DPYD: variants seen among roughly 807,000 people sequenced by gnomAD.
DPYD encodes the protein dihydropyrimidine dehydrogenase, also known as dihydropyrimidine dehydrogenase [NADP(+)].
A neutral mutation model predicts 116.2 loss-of-function variants in DPYD; 109 were observed. The ratio of observed to expected loss-of-function variants is 0.94; its 90% CI spans 0.80 to 1.10. The LOEUF (loss-of-function observed/expected upper bound fraction) is 1.10, where lower values mean the gene tolerates loss of function less well. DPYD is among the 50% of genes least tolerant of loss of function. DPYD has a pLI of 0.00. For missense variants in DPYD, 1,302 were observed against 1,254.5 expected (o/e 1.04, Z -0.57); for synonymous variants, 440 against 432.0 (o/e 1.02, Z -0.23).
chr1:97,898,402 A>G (rs1451354801), intron 1 of DPYD, among the ~76,000 whole-genome samples: 1 of 151,798 alleles, frequency 6.6e-6, no homozygotes, highest in Non-Finnish European at 1.5e-5. Context: ...GAAGGATTCC[A>G]CCAGGCTTTG....
At chr1:97,656,401 C>G (rs1557864543) in intron 8 of DPYD, among the ~76,000 whole-genome samples, 1 of 152,078 alleles carries the variant, frequency 6.6e-6, no homozygotes, top group Admixed American at 6.6e-5. Flanking sequence ...TTTTAATACA[C>G]TCTTCATAAA....
chr1:97,879,490 T>G (rs1672081204), intron 2 of DPYD, among the ~76,000 whole-genome samples: 1 of 151,882 alleles, frequency 6.6e-6, no homozygotes, highest in Non-Finnish European at 1.5e-5. Context: ...TTAGGATAGT[T>G]CAACATTTTC....
At chr1:97,732,473 CAAAAA>C (rs751262032) in intron 4 of DPYD, among the ~76,000 whole-genome samples, 1 of 55,150 alleles carries the variant, frequency 1.8e-5, no homozygotes. Flanking sequence ...GACTCCATCT[CAAAAA>C]AAAAAAAAAA....
intron 1 of DPYD, chr1:97,883,738 T>G (rs1672342507): frequency 2.8e-6 from 1 of 359,672 alleles, no homozygotes; most frequent in African/African-American, 2.2e-5. Context: ...TGAGCCACCA[T>G]GTCTGGTAGC....
chr1:97,188,268 T>G (rs1658133343), intron 20 of DPYD, among the ~76,000 whole-genome samples: 1 of 152,184 alleles, frequency 6.6e-6, no homozygotes, highest in Non-Finnish European at 1.5e-5. Flanking sequence ...ATCACCAATA[T>G]GTATTTCATC....
At chr1:97,155,013 A>G (rs1655335004) in intron 20 of DPYD, among the ~76,000 whole-genome samples, 1 of 152,204 alleles carries the variant, frequency 6.6e-6, no homozygotes, top group South Asian at 2.1e-4. Context: ...GTCATTGCAA[A>G]AATGAAGCAA....
At chr1:97,383,024 A>C (rs1159479101) in intron 14 of DPYD, among the ~76,000 whole-genome samples, 1 of 152,148 alleles carries the variant, frequency 6.6e-6, no homozygotes, top group Non-Finnish European at 1.5e-5. Context: ...GAAATCCCAT[A>C]ATGGAGACTG....
At chr1:97,245,301 C>CA (rs1485693161) in intron 18 of DPYD, among the ~76,000 whole-genome samples, 1 of 152,084 alleles carries the variant, frequency 6.6e-6, no homozygotes, top group Non-Finnish European at 1.5e-5. Context: ...CCATAAAATT[C>CA]ACTGCCGGGT....
intron 16 of DPYD, among the ~76,000 whole-genome samples, chr1:97,368,658 C>T (rs1671163891): frequency 6.6e-6 from 1 of 152,006 alleles, no homozygotes; most frequent in African/African-American, 2.4e-5. Context: ...AGAAGGCAGC[C>T]CAAAGACAAC....
intron 16 of DPYD, among the ~76,000 whole-genome samples, chr1:97,368,925 G>C (rs1396074352): frequency 6.6e-6 from 1 of 152,146 alleles, no homozygotes; most frequent in African/African-American, 2.4e-5. Flanking sequence ...GAAATAATAG[G>C]ATTTTTTTGC....
rs1659223822 is a variant in DPYD at position 97,201,763 on chromosome 1, A to T, written c.2443-8515T>A. On this transcript the variant is annotated intron_variant, in intron 19 of 22. Coordinates refer to ENST00000370192, the MANE Select transcript of DPYD (RefSeq NM_000110.4). The stretch of plus-strand genomic sequence containing the variant: ...AGCAGTAATGTAACGGACTACGTGA[A>T]GAAATCAAAGTGAGAGTTTCTAAGT... Among the ~76,000 whole-genome samples the T allele has an allele frequency of 2.0e-5, 3 of 152,160 alleles. No individual in the cohort carries two copies. In the South Asian group the frequency reaches 6.2e-4, roughly 32 times the overall value.
chr1:97,793,610 T>C (rs1667421752), intron 3 of DPYD, among the ~76,000 whole-genome samples: 1 of 152,096 alleles, frequency 6.6e-6, no homozygotes, highest in African/African-American at 2.4e-5. Context: ...ATGAGTCTTT[T>C]CCACAATGGT....
chr1:97,815,104 A>AAAGAG (rs1184012031), intron 3 of DPYD, among the ~76,000 whole-genome samples: 3 of 150,082 alleles, frequency 2.0e-5, no homozygotes, highest in African/African-American at 4.9e-5. Flanking sequence ...AGAGAAGAGA[A>AAAGAG]AAGAGAAGAG....
intron 5 of DPYD, among the ~76,000 whole-genome samples, chr1:97,701,085 G>A (rs1661571599): frequency 6.7e-6 from 1 of 149,922 alleles, no homozygotes; most frequent in Admixed American, 6.7e-5. Flanking sequence ...CAAAAGTTAT[G>A]GAAGATAAAT....
intron 20 of DPYD, among the ~76,000 whole-genome samples, chr1:97,161,146 G>A (rs147629642): frequency 3.3e-5 from 5 of 152,230 alleles, no homozygotes; most frequent in African/African-American, 9.6e-5. Context: ...GCAGATTAGC[G>A]ATTAAATCGG....
intron 5 of DPYD, among the ~76,000 whole-genome samples, chr1:97,712,420 GA>G (rs1349952798): frequency 6.6e-6 from 1 of 151,548 alleles, no homozygotes; most frequent in Non-Finnish European, 1.5e-5. Context: ...ACTCACCGTT[GA>G]TTTTTTTATT....
At chr1:97,900,418 T>G (rs532052703) in intron 1 of DPYD, among the ~76,000 whole-genome samples, 1 of 151,890 alleles carries the variant, frequency 6.6e-6, no homozygotes, top group African/African-American at 2.4e-5. Context: ...GAAGGACTGA[T>G]AGTCCAATCA....
chr1:97,705,633 C>A (rs903967868), intron 5 of DPYD, among the ~76,000 whole-genome samples: 2 of 152,140 alleles, frequency 1.3e-5, no homozygotes, highest in East Asian at 3.9e-4. Flanking sequence ...ATTTATAATC[C>A]TTTGGGTATA....
intron 8 of DPYD, among the ~76,000 whole-genome samples, chr1:97,643,474 T>C (rs1018670463): frequency 6.6e-6 from 1 of 152,172 alleles, no homozygotes; most frequent in African/African-American, 2.4e-5. Flanking sequence ...GGAACACTTT[T>C]ACACTGTTGG....
Sources: gnomAD v4.1 joint callset for allele counts (sites outside exome capture counted in the v4.1 genomes callset) on GRCh38, gnomAD v4.1.1 for gene constraint, MANE v1.5 for transcripts, NCBI Gene and HGNC (gene_info 2026-07-23, HGNC 2026-07-21) for gene names.